TMEM235: variants seen among roughly 807,000 people sequenced by gnomAD.
TMEM235 encodes the protein claudin-27.
Under a neutral mutation model 22.9 loss-of-function variants are expected in TMEM235, and 23 were observed. The observed-to-expected ratio is 1.00, with a 90% CI of 0.72 to 1.42. The LOEUF (loss-of-function observed/expected upper bound fraction) is 1.42, where lower values mean the gene tolerates loss of function less well. TMEM235 is among the 40% of genes most tolerant of loss of function. TMEM235 has a pLI of 0.00. For missense variants in TMEM235, 308 were observed against 299.5 expected (o/e 1.03, Z -0.21); for synonymous variants, 137 against 140.5 (o/e 0.98, Z 0.17).
At chr17:78,231,784 C>T (rs2076582308) in exon 2 of TMEM235, 3 of 1,220,852 alleles carry the variant, frequency 2.5e-6, no homozygotes, top group Admixed American at 6.4e-5. Context: ...GCGCGGCTCT[C>T]GACTTCCTCT....
exon 6 of TMEM235, chr17:78,239,993 T>C (rs1393581742): frequency 6.5e-7 from 1 of 1,541,026 alleles, no homozygotes; most frequent in Non-Finnish European, 8.8e-7. Flanking sequence ...GATGTACCCC[T>C]CTGCCCCCTC....
At chr17:78,231,520 G>C (rs1470501731) in exon 2 of TMEM235, 2 of 1,304,252 alleles carry the variant, frequency 1.5e-6, no homozygotes, top group Non-Finnish European at 2.0e-6. Context: ...AGGACCCCAG[G>C]GCCAGCCCGT....
intron 4 of TMEM235, among the ~76,000 whole-genome samples, chr17:78,235,308 A>G (rs1412928612): frequency 6.8e-6 from 1 of 147,998 alleles, no homozygotes; most frequent in African/African-American, 2.5e-5. Flanking sequence ...TTTTTTTGAG[A>G]TGGAGTTTCG....
chr17:78,236,411 A>C (rs1052951111), intron 4 of TMEM235, among the ~76,000 whole-genome samples: 4 of 152,212 alleles, frequency 2.6e-5, no homozygotes, highest in Admixed American at 2.6e-4. Flanking sequence ...TGTAACCGGT[A>C]ACCACCCATC....
In TMEM235 at chr17:78,237,636, T is replaced by C. The variant is rs890565511; in HGVS notation, c.410-1388T>C. ...GGCCTTGGGCTGCAGCTGCAGCCAG[T>C]GCTACAGGCAGAGACAGGCAGAGAC... is the stretch of plus-strand genomic sequence containing the variant. On this transcript the variant is annotated intron_variant, in intron 4 of 5. Coordinates refer to ENST00000421688, the Ensembl canonical transcript of TMEM235. This position sits in a 1 kb window ranked among gnomAD's most constrained non-coding sequence, Gnocchi z 4.7. Among the ~76,000 whole-genome samples the C allele has an allele frequency of 6.6e-6, 1 of 151,320 alleles. No individual in the cohort carries two copies. Among genetic ancestry groups the C allele is most frequent in the Non-Finnish European group, 1.5e-5 (1 of 67,752 alleles).
At chr17:78,240,003 C>G in exon 6 of TMEM235, 1 of 1,534,932 alleles carries the variant, frequency 6.5e-7, no homozygotes, top group East Asian at 2.5e-5. Context: ...TCTGCCCCCT[C>G]CCTTGTTCTC....
chr17:78,239,929 G>GC, exon 6 of TMEM235: 1 of 1,550,550 alleles, frequency 6.4e-7, no homozygotes, highest in Non-Finnish European at 8.7e-7. Context: ...TGATGAGAGG[G>GC]CCCGAGAGCC....
At chr17:78,240,203 G>T in exon 6 of TMEM235, 1 of 571,774 alleles carries the variant, frequency 1.7e-6, no homozygotes, top group South Asian at 2.3e-5. Context: ...AGTCCCAGAA[G>T]GGTGGGGTGG....
At chr17:78,239,114 T>G (rs1221663576) in exon 5 of TMEM235, 1 of 1,543,880 alleles carries the variant, frequency 6.5e-7, no homozygotes, top group South Asian at 1.2e-5. Context: ...CCGCAGCACA[T>G]GCAGGGCGTC....
At position 78,234,580 on chromosome 17, in the gene TMEM235, C is replaced by T; in HGVS notation, c.272-13C>T. 6.5e-7 allele frequency: 1 copy of T among 1,535,872 alleles called. No individual in the cohort carries two copies. The highest frequency in any genetic ancestry group is 1.4e-5 in the African/African-American group (1 of 73,184). On this transcript the variant is annotated splice_polypyrimidine_tract_variant and intron_variant, in intron 3 of 5. Coordinates refer to ENST00000421688, the Ensembl canonical transcript of TMEM235. ...CTGGACCAGAATTCTCACCTGAGCC[C>T]CCTTTCCTGCAGTGCTGCACCGTGC...
chr17:78,234,060 G>A, intron 3 of TMEM235, 85 bp downstream of exon 2: 1 of 1,233,298 alleles, frequency 8.1e-7, no homozygotes, highest in Non-Finnish European at 1.1e-6. Context: ...CCATCCCGCA[G>A]CACTGCTTCC....
rs1287252383 is a variant in TMEM235, at chr17:78,237,337, G to C, written c.410-1687G>C. Among the ~76,000 whole-genome samples the C allele has an allele frequency of 2.0e-5, 3 of 152,146 alleles. No individual in the cohort carries two copies. Among genetic ancestry groups the C allele is most frequent in the Non-Finnish European group, 4.4e-5 (3 of 68,018 alleles). On this transcript the variant is annotated intron_variant, in intron 4 of 5. Transcript: ENST00000421688. The surrounding 1 kb of genome is among the most constrained non-coding windows in gnomAD (Gnocchi z 4.7). The stretch of plus-strand genomic sequence containing the variant: ...CTTCCCTGAGACAGGATCTTGGGGG[G>C]CCTGGGGGACCGACAGGGCCCACGG...
chr17:78,235,351 G>T (rs2076630783), intron 4 of TMEM235, among the ~76,000 whole-genome samples: 1 of 151,606 alleles, frequency 6.6e-6, no homozygotes, highest in Non-Finnish European at 1.5e-5. Flanking sequence ...GCAATCGCAT[G>T]ATCTCGACTC....
At chr17:78,232,146 T>G in exon 2 of TMEM235, 1 of 1,487,522 alleles carries the variant, frequency 6.7e-7, no homozygotes, top group South Asian at 1.3e-5. Context: ...ACGCCGGCAA[T>G]GGCAGCGCCT....
At chr17:78,234,090 G>A (rs2076615473) in intron 3 of TMEM235, 115 bp downstream of exon 2, 2 of 1,002,642 alleles carry the variant, frequency 2.0e-6, no homozygotes, top group Admixed American at 4.5e-5. Flanking sequence ...GCGTTTCCAA[G>A]AGGACGTTTC....
chr17:78,236,072 G>C (rs542398757), intron 4 of TMEM235, among the ~76,000 whole-genome samples: 8 of 152,322 alleles, frequency 5.3e-5, no homozygotes, highest in East Asian at 1.9e-4. Context: ...CATGCGATTC[G>C]GGCCGGGACA....
chr17:78,235,689 C>T (rs970109286), intron 4 of TMEM235, among the ~76,000 whole-genome samples: 1 of 148,466 alleles, frequency 6.7e-6, no homozygotes, highest in African/African-American at 2.5e-5. Flanking sequence ...CAAGCTCTGC[C>T]TCCCAGGTTC....
At chr17:78,233,361 G>A (rs1020227158) in intron 2 of TMEM235, among the ~76,000 whole-genome samples, 4 of 152,202 alleles carry the variant, frequency 2.6e-5, no homozygotes, top group Admixed American at 2.0e-4. Context: ...CCTCCATGGA[G>A]CGTTTGAAAG....
At position 78,238,903 on chromosome 17, in the gene TMEM235, C is replaced by T; in HGVS notation, c.410-121C>T. The T allele has an allele frequency of 1.4e-6, 2 of 1,409,376 alleles. No homozygotes were observed. The highest frequency in any genetic ancestry group is 9.4e-7 in the Non-Finnish European group (1 of 1,065,974). 87.3% of individuals were successfully genotyped at this position (1,409,376 alleles called of 1,614,324 possible). A position where few individuals can be genotyped will look rare whatever the true frequency, so the allele number is the denominator to read the frequency against. On this transcript the variant is annotated intron_variant, in intron 4 of 5. Coordinates refer to ENST00000421688, the Ensembl canonical transcript of TMEM235. This position sits in a 1 kb window ranked among gnomAD's most constrained non-coding sequence, Gnocchi z 4.3. ...CCATGACAGGAAGGGCGGTGTGCTGCCTGCAGCTCTGCCTGAATGCTAGCG... is the reference window on the plus strand; with the variant it reads ...CCATGACAGGAAGGGCGGTGTGCTGTCTGCAGCTCTGCCTGAATGCTAGCG...
Sources: allele counts gnomAD v4.1 joint callset (sites outside exome capture counted in the v4.1 genomes callset), GRCh38; gene constraint gnomAD v4.1.1; non-coding constraint Gnocchi (gnomAD v3.1); transcripts MANE v1.5; gene names NCBI Gene and HGNC (gene_info 2026-07-23, HGNC 2026-07-21).